Variants in TGM2 observed in about 807,000 individuals in gnomAD.
TGM2 encodes the protein transglutaminase 2.
TGM2 carries 53 observed loss-of-function variants against 75.6 expected under a neutral mutation model. That is an observed-to-expected ratio of 0.70 (90% CI 0.56 to 0.88). TGM2 has a LOEUF of 0.88. TGM2 is among the 40% of genes least tolerant of loss of function. The probability of loss-of-function intolerance (pLI) is 0.00; values close to 1 mark genes in which losing one functional copy is unlikely to be tolerated. For synonymous variants in TGM2, 374 were observed against 381.1 expected (o/e 0.98, Z 0.22); for missense variants, 842 against 928.5 (o/e 0.91, Z 1.21).
intron 10 of TGM2, chr20:38,137,878 C>T (rs2074919249): frequency 1.1e-6 from 1 of 909,268 alleles, no homozygotes; most frequent in African/African-American, 1.7e-5. Context: ...CTTAACCTCT[C>T]TGTGCCTCAG....
upstream of TGM2, chr20:38,165,299 A>C: frequency 1.3e-6 from 2 of 1,560,914 alleles, no homozygotes; most frequent in Non-Finnish European, 1.7e-6. Context: ...GCTAACTTAT[A>C]GCCCGCTTTG....
At chr20:38,137,934 C>T in intron 10 of TGM2, 179 bp downstream of exon 10, 9 of 1,381,638 alleles carry the variant, frequency 6.5e-6, no homozygotes, top group Non-Finnish European at 8.6e-6. Context: ...CACCCCCTCA[C>T]TCTTGCAATA....
At chr20:38,142,250 G>A (rs1410865830) in intron 6 of TGM2, 51 bp from the exon 7 acceptor site, 3 of 1,608,962 alleles carry the variant, frequency 1.9e-6, no homozygotes, top group Non-Finnish European at 2.6e-6. Context: ...CATCCGCCCT[G>A]CTCTGGGCCT....
At chr20:38,167,440 G>T (rs536495988), upstream of TGM2, among the ~76,000 whole-genome samples, 2 of 152,098 alleles carry the variant, frequency 1.3e-5, no homozygotes, top group African/African-American at 4.8e-5. Context: ...GGGCTCAAGC[G>T]ATCCTCCTGC....
At chr20:38,162,600 T>C (rs1158690788) in intron 1 of TGM2, among the ~76,000 whole-genome samples, 1 of 152,224 alleles carries the variant, frequency 6.6e-6, no homozygotes, top group African/African-American at 2.4e-5. Flanking sequence ...TGGATCTTGA[T>C]TTCAAAAAAG....
In TGM2 at chr20:38,150,592, A is replaced by C. The variant is rs1317890888; in HGVS notation, c.552+347T>G. Among the ~76,000 whole-genome samples the C allele has an allele frequency of 2.0e-5, 3 of 152,216 alleles. No homozygotes were observed. The East Asian group carries it at 5.8e-4, about 29-fold the overall frequency. ...TCTTCTTAGCACATGCCTAGCACACAGGGCTCACCCCAGCACAACTCCAAG... is the reference window on the plus strand; with the variant it reads ...TCTTCTTAGCACATGCCTAGCACACCGGGCTCACCCCAGCACAACTCCAAG... On this transcript the variant is annotated intron_variant, in intron 4 of 12. Coordinates refer to ENST00000361475, the MANE Select transcript of TGM2 (RefSeq NM_004613.4).
intron 1 of TGM2, among the ~76,000 whole-genome samples, chr20:38,162,794 A>G (rs758849726): frequency 1.1e-4 from 16 of 152,340 alleles, no homozygotes; most frequent in Admixed American, 5.2e-4. Context: ...GAAGGTGCGC[A>G]GGGGCAGGAG....
chr20:38,141,455 A>C, intron 7 of TGM2, 70 bp from the exon 8 acceptor site: 6 of 1,184,062 alleles, frequency 5.1e-6, no homozygotes, highest in Non-Finnish European at 7.4e-6. Context: ...CCACGGGCAG[A>C]CCATGCATTC....
intron 3 of TGM2, among the ~76,000 whole-genome samples, chr20:38,152,673 C>G (rs1453394499): frequency 6.6e-6 from 1 of 152,200 alleles, no homozygotes. Context: ...CAGGAGGGTC[C>G]CATTTTCCAG....
chr20:38,154,432 T>G (rs1190849784), intron 3 of TGM2, among the ~76,000 whole-genome samples: 2 of 152,182 alleles, frequency 1.3e-5, no homozygotes, highest in African/African-American at 4.8e-5. Flanking sequence ...TCATTAGATC[T>G]GACTGCCTTG....
chr20:38,147,298 A>T (rs1211867975), intron 5 of TGM2, among the ~76,000 whole-genome samples: 1 of 151,930 alleles, frequency 6.6e-6, no homozygotes, highest in Non-Finnish European at 1.5e-5. Context: ...CCTGACCATG[A>T]TCCAAGAGGC....
At chr20:38,139,697 T>C (rs1195086266) in intron 8 of TGM2, 43 bp from the exon 9 acceptor site, 1 of 1,612,038 alleles carries the variant, frequency 6.2e-7, no homozygotes, top group South Asian at 1.1e-5. Context: ...TGGGTGAAGG[T>C]TGGGTGGTGT....
intron 2 of TGM2, among the ~76,000 whole-genome samples, chr20:38,157,275 A>T (rs904631678): frequency 7.3e-6 from 1 of 137,280 alleles, no homozygotes. Context: ...AAATGTAACC[A>T]TGAACTAACA....
chr20:38,131,046 T>C, intron 12 of TGM2, 47 bp downstream of exon 12: 2 of 1,607,332 alleles, frequency 1.2e-6, no homozygotes, highest in Non-Finnish European at 1.7e-6. Flanking sequence ...CCCACCGGCA[T>C]CTGCCCGCTT....
chr20:38,157,543 A>G (rs2075203011), intron 2 of TGM2, among the ~76,000 whole-genome samples: 1 of 152,240 alleles, frequency 6.6e-6, no homozygotes, highest in South Asian at 2.1e-4. Context: ...GTCCAATCTC[A>G]GGTTCGAAAC....
In TGM2 at chr20:38,161,593, A is replaced by C; in HGVS notation, c.17T>G (p.Val6Gly). The C allele has an allele frequency of 6.2e-7, 1 of 1,614,064 alleles. No homozygotes were observed. Among genetic ancestry groups the C allele is most frequent in the Non-Finnish European group, 8.5e-7 (1 of 1,180,002 alleles). Reference protein sequence around the residue: MAEELVLERCDLELET... With the variant: MAEELGLERCDLELET... Reference sequence around the variant, plus strand: ...CAGCTCCAGATCACACCTCTCTAAGACCAGCTCTATGGAAACAGAAGGAGA... The same window carrying C: ...CAGCTCCAGATCACACCTCTCTAAGCCCAGCTCTATGGAAACAGAAGGAGA... Residue 6 changes from valine (V) to glycine (G), a missense_variant, in exon 2 of 13, where the codon GTC (valine) becomes GGC (glycine). By Grantham distance (109) the Val-to-Gly change is moderately radical. Transcript: ENST00000361475.
intron 1 of TGM2, among the ~76,000 whole-genome samples, chr20:38,164,098 C>T (rs551064767): frequency 3.9e-4 from 60 of 152,356 alleles, no homozygotes; most frequent in African/African-American, 1.3e-3. Flanking sequence ...CTCCCAGCCC[C>T]ACTGAGCCCT....
intron 6 of TGM2, among the ~76,000 whole-genome samples, chr20:38,144,464 C>T (rs903471691): frequency 6.6e-6 from 1 of 152,162 alleles, no homozygotes; most frequent in African/African-American, 2.4e-5. Context: ...TCAGTGCTGG[C>T]TGATTCATGG....
rs2075053380 is a variant in TGM2 at position 38,146,889 on chromosome 20, G to A, written c.687C>T (p.Asn229=). The change falls in exon 6 of 13, where the codon AAC becomes AAT. Residue 229 remains asparagine (N), a synonymous_variant. Coordinates refer to ENST00000361475, the MANE Select transcript of TGM2 (RefSeq NM_004613.4). ...GCAGCACACCCTGGTCATCGTTGCA[G>A]TTGACCTGCAACCAGTGGGGCAGCA... ...YVGRVVSGMV[N]CNDDQGVLLG... 10 of 1,612,758 alleles carry A rather than the reference G, an allele frequency of 6.2e-6. No homozygotes were observed. The highest frequency in any genetic ancestry group is 6.8e-6 in the Non-Finnish European group (8 of 1,180,002).
Sources: allele counts gnomAD v4.1 joint callset (sites outside exome capture counted in the v4.1 genomes callset), GRCh38; gene constraint gnomAD v4.1.1; transcripts MANE v1.5; gene names NCBI Gene and HGNC (gene_info 2026-07-23, HGNC 2026-07-21).